POMZP3: variants seen among roughly 807,000 people sequenced by gnomAD.
POMZP3 encodes POM121 and ZP3 fusion protein.
A neutral mutation model predicts 19.8 loss-of-function variants in POMZP3; 10 were observed. That is an observed-to-expected ratio of 0.51 (90% CI 0.31 to 0.86). POMZP3 has a LOEUF of 0.86. Ranked by LOEUF, POMZP3 falls within the 40% of genes least tolerant of loss-of-function variation. The probability of loss-of-function intolerance (pLI) is 0.04; values close to 1 mark genes in which losing one functional copy is unlikely to be tolerated. For missense variants in POMZP3, 152 were observed against 228.1 expected, an observed-to-expected ratio of 0.67 and a Z score of 2.15; for synonymous variants, 57 against 85.8, an observed-to-expected ratio of 0.66 and a Z score of 1.85.
rs531089229 is a variant in POMZP3, at chr7:76,625,626, T to C, written c.123A>G (p.Pro41=). ...LSSPSSNAPD[P]CAKETVLSAL... is the part of the protein sequence containing the mutation. ...CACTCAGTACAGTCTCCTTTGCACATGGGTCTGGGGCATTACTTGATGGTG... is the reference window on the plus strand; with the variant it reads ...CACTCAGTACAGTCTCCTTTGCACACGGGTCTGGGGCATTACTTGATGGTG... The change falls in exon 3 of 7, where the codon CCA becomes CCG. Residue 41 remains proline, a synonymous_variant. Coordinates refer to ENST00000310842, the MANE Select transcript of POMZP3 (RefSeq NM_012230.5). 2 of 1,613,820 alleles carry C rather than the reference T, an allele frequency of 1.2e-6. No individual in the cohort carries two copies. Among genetic ancestry groups the C allele is most frequent in the South Asian group, 2.2e-5 (2 of 91,070 alleles).
In POMZP3 at chr7:76,623,009, C is replaced by T. The variant is rs571980693; in HGVS notation, c.227+2513G>A. Among the ~76,000 whole-genome samples the T allele has an allele frequency of 2.6e-5, 4 of 151,848 alleles. No homozygotes were observed. The South Asian group carries it at 8.4e-4, about 32-fold the overall frequency. Reference sequence around the variant, plus strand: ...ACCTCAGCCTCTGGAGCTGGGAATACAGGCACTCACCACCATGCCTGGCTA... The same window carrying T: ...ACCTCAGCCTCTGGAGCTGGGAATATAGGCACTCACCACCATGCCTGGCTA... On this transcript the variant is annotated intron_variant, in intron 3 of 6. Transcript: ENST00000310842.
chr7:76,611,486 C>A lies in POMZP3; in HGVS notation c.543G>T (p.Trp181Cys), dbSNP rs530701673. The A allele has an allele frequency of 3.7e-6, 6 of 1,603,998 alleles. No individual in the cohort carries two copies. In the East Asian group the frequency reaches 1.1e-4, roughly 30 times the overall value. The stretch of plus-strand genomic sequence containing the variant: ...GCGGTTACAGGGAAGCAGACGTGGA[C>A]CACTGGCTCACGACACGAGGCTGCC... ...SRRQPRVVSQ[W>C]STSASL The change falls in exon 6 of 7, where the codon TGG becomes TGT. Residue 181 changes from tryptophan (W) to cysteine (C), a missense_variant. By Grantham distance (215) the Trp-to-Cys change is radical. Transcript: ENST00000310842.
intron 6 of POMZP3, among the ~76,000 whole-genome samples, chr7:76,610,522 C>G (rs1026128686): frequency 1.4e-4 from 21 of 151,842 alleles, no homozygotes; most frequent in Admixed American, 1.2e-3. Flanking sequence ...CATGGTGGCA[C>G]ATGCCTGTAG....
At chr7:76,622,297 C>T (rs201077464) in intron 3 of POMZP3, among the ~76,000 whole-genome samples, 15,605 of 109,432 alleles carry the variant, frequency 0.14, no homozygotes, top group African/African-American at 0.26. Context: ...GCCCTGAATT[C>T]TTTCTTGCGT....
At chr7:76,610,501 A>G (rs1815040264) in intron 6 of POMZP3, among the ~76,000 whole-genome samples, 1 of 151,892 alleles carries the variant, frequency 6.6e-6, no homozygotes, top group East Asian at 2.0e-4. Context: ...AAAATAAAAA[A>G]GTTAACTGGG....
At chr7:76,621,795 C>T (rs1369945341) in intron 3 of POMZP3, among the ~76,000 whole-genome samples, 8 of 151,596 alleles carry the variant, frequency 5.3e-5, no homozygotes, top group East Asian at 2.0e-4. Flanking sequence ...AAAAAAGTAG[C>T]CGGATATGGT....
intron 3 of POMZP3, among the ~76,000 whole-genome samples, chr7:76,624,417 A>G (rs1815742012): frequency 6.7e-6 from 1 of 148,656 alleles, no homozygotes; most frequent in Admixed American, 6.7e-5. Flanking sequence ...AAACTATTCC[A>G]TTTTCATTAG....
At chr7:76,618,889 G>T (rs1163385779) in intron 3 of POMZP3, among the ~76,000 whole-genome samples, 1 of 151,948 alleles carries the variant, frequency 6.6e-6, no homozygotes, top group African/African-American at 2.4e-5. Flanking sequence ...CTGGGTTCAA[G>T]TGATCTTCCT....
At chr7:76,611,932 C>A in intron 4 of POMZP3, 119 bp from the exon 5 acceptor site, 1 of 1,528,976 alleles carries the variant, frequency 6.5e-7, no homozygotes, top group Non-Finnish European at 8.8e-7. Flanking sequence ...GGTGCGATGG[C>A]ACACACCTAT....
intron 3 of POMZP3, among the ~76,000 whole-genome samples, chr7:76,625,226 C>T (rs1021082815): frequency 7.4e-5 from 11 of 148,270 alleles, no homozygotes; most frequent in Non-Finnish European, 1.2e-4. Context: ...AGCCTTCTTT[C>T]TTGAAAATAA....
At chr7:76,622,721 G>A (rs1316610159) in intron 3 of POMZP3, among the ~76,000 whole-genome samples, 1 of 151,644 alleles carries the variant, frequency 6.6e-6, no homozygotes, top group East Asian at 1.9e-4. Context: ...TGTTGTCCAG[G>A]CTAGAGTGCA....
chr7:76,623,959 T>C (rs1303669845), intron 3 of POMZP3, among the ~76,000 whole-genome samples: 1 of 143,038 alleles, frequency 7.0e-6, no homozygotes, highest in Non-Finnish European at 1.5e-5. Flanking sequence ...AGGAAGGAAA[T>C]AGAAACAAGG....
At position 76,611,514 on chromosome 7, in the gene POMZP3, C is replaced by T. The variant is rs1489486348; in HGVS notation, c.515G>A (p.Arg172Lys). The T allele has an allele frequency of 6.2e-7, 1 of 1,605,166 alleles. No homozygotes were observed. The highest frequency in any genetic ancestry group is 1.1e-5 in the South Asian group (1 of 90,936). ...KGDCGTPSHS[R>K]RQPRVVSQWS... ...CTGGCTCACGACACGAGGCTGCCTC[C>T]TGGAATGGCTTGGAGTGCCACAGTC... Residue 172 changes from arginine (R) to lysine (K), a missense_variant, in exon 6 of 7, where the codon AGG (arginine) becomes AAG (lysine). By Grantham distance (26) the Arg-to-Lys change is conservative. Coordinates refer to ENST00000310842, the MANE Select transcript of POMZP3 (RefSeq NM_012230.5).
At chr7:76,623,279 GAA>G (rs1158601271) in intron 3 of POMZP3, among the ~76,000 whole-genome samples, 3 of 151,706 alleles carry the variant, frequency 2.0e-5, no homozygotes, top group Non-Finnish European at 4.4e-5. Context: ...TTTAATGTCA[GAA>G]ATCCTATCTA....
At chr7:76,616,340 T>C (rs1395580543) in intron 4 of POMZP3, among the ~76,000 whole-genome samples, 5 of 106,824 alleles carry the variant, frequency 4.7e-5, no homozygotes, top group South Asian at 3.2e-4. Context: ...CTGAAGTTCA[T>C]AGAGTTTTAC....
chr7:76,624,540 G>T (rs1815750436), intron 3 of POMZP3, among the ~76,000 whole-genome samples: 1 of 151,566 alleles, frequency 6.6e-6, no homozygotes, highest in African/African-American at 2.4e-5. Context: ...CCGCCTCCTG[G>T]GTTCAAGCAA....
rs1815945883 is a variant in POMZP3 at position 76,627,034 on chromosome 7, A to G, written c.-478T>C. 5 of 1,325,124 alleles carry G rather than the reference A, an allele frequency of 3.8e-6. No homozygotes were observed. The highest frequency in any genetic ancestry group is 3.2e-5 in the African/African-American group (2 of 63,460). The allele number at this position is 1,325,124 out of a possible 1,614,324, so 82.1% of individuals were successfully genotyped here. ...TCGCCGATGTCGCGCCTTCTGAACG[A>G]AGGAGGACAAGGGGCGCGAACCTCG... On this transcript the variant is annotated 5_prime_UTR_variant, in exon 1 of 7. Coordinates refer to ENST00000310842, the MANE Select transcript of POMZP3 (RefSeq NM_012230.5).
At chr7:76,621,023 C>A (rs1243212018) in intron 3 of POMZP3, 2 of 149,546 alleles carry the variant, frequency 1.3e-5, no homozygotes, top group Non-Finnish European at 2.9e-5. Context: ...CGCCCGCCAC[C>A]ACGTCCGGCT....
intron 3 of POMZP3, among the ~76,000 whole-genome samples, chr7:76,622,945 C>T (rs1347529535): frequency 1.3e-5 from 2 of 151,756 alleles, no homozygotes; most frequent in East Asian, 1.9e-4. Context: ...GATCATATCT[C>T]ACTGCAGCCT....
Sources: gnomAD v4.1 joint callset for allele counts (sites outside exome capture counted in the v4.1 genomes callset) on GRCh38, gnomAD v4.1.1 for gene constraint, MANE v1.5 for transcripts, NCBI Gene and HGNC (gene_info 2026-07-23, HGNC 2026-07-21) for gene names.